GLIS3: variants seen among roughly 807,000 people sequenced by gnomAD.
GLIS3 encodes the protein GLIS family zinc finger 3, also known as zinc finger protein GLIS3.
A neutral mutation model predicts 78.6 loss-of-function variants in GLIS3; 53 were observed. The ratio of observed to expected loss-of-function variants is 0.67; its 90% CI spans 0.54 to 0.85. The LOEUF is 0.85. Ranked by LOEUF, GLIS3 falls within the 40% of genes least tolerant of loss-of-function variation. The probability of loss-of-function intolerance (pLI) is 0.00; values close to 1 mark genes in which losing one functional copy is unlikely to be tolerated. For missense variants in GLIS3, 1,703 were observed against 1,231.1 expected, an observed-to-expected ratio of 1.38 and a Z score of -5.74; for synonymous variants, 684 against 509.9, an observed-to-expected ratio of 1.34 and a Z score of -4.60.
the GLIS3 span, among the ~76,000 whole-genome samples, chr9:4,451,955 A>G: frequency 0.037 from 5,510 of 150,444 alleles, 280 homozygotes; most frequent in East Asian, 0.23. Flanking sequence ...CCAGCAGCAC[A>G]TCAAAAAGCT....
At chr9:4,003,315 T>C (rs1478262589) in intron 4 of GLIS3, among the ~76,000 whole-genome samples, 3 of 152,048 alleles carry the variant, frequency 2.0e-5, no homozygotes, top group Non-Finnish European at 2.9e-5. Flanking sequence ...GAATTCTCCA[T>C]AGCACAGTTA....
chr9:3,847,163 G>A (rs1819102362), intron 9 of GLIS3, among the ~76,000 whole-genome samples: 1 of 152,126 alleles, frequency 6.6e-6, no homozygotes, highest in East Asian at 1.9e-4. Context: ...CAGCCTGGGC[G>A]ACAGAATGAG....
chr9:3,854,766 G>A (rs1563778524), intron 9 of GLIS3, among the ~76,000 whole-genome samples: 1 of 151,150 alleles, frequency 6.6e-6, no homozygotes, highest in South Asian at 2.1e-4. Flanking sequence ...GGATGGTCTC[G>A]ACCTCCTAAC....
chr9:4,371,141 A>C, the GLIS3 span, among the ~76,000 whole-genome samples: 1 of 152,220 alleles, frequency 6.6e-6, no homozygotes, highest in Admixed American at 6.5e-5. Flanking sequence ...AAATGCATGC[A>C]TAAACCATTT....
intron 1 of GLIS3, among the ~76,000 whole-genome samples, chr9:4,293,255 G>C (rs1029362048): frequency 2.0e-5 from 3 of 152,158 alleles, no homozygotes; most frequent in South Asian, 4.1e-4. Flanking sequence ...GAAGATTCTA[G>C]AAATAAAATT....
the GLIS3 span, among the ~76,000 whole-genome samples, chr9:4,396,744 G>C: frequency 2.3e-3 from 354 of 152,288 alleles, 1 homozygote; most frequent in Non-Finnish European, 3.2e-3. Context: ...GATTTCAGGA[G>C]ATTCCAGGAC....
intron 2 of GLIS3, among the ~76,000 whole-genome samples, chr9:4,278,236 G>A (rs761801258): frequency 1.3e-5 from 2 of 152,128 alleles, no homozygotes; most frequent in Non-Finnish European, 2.9e-5. Context: ...AACTCTGTCC[G>A]TAGAAAAGGC....
At chr9:3,967,456 T>C (rs970785240) in intron 4 of GLIS3, among the ~76,000 whole-genome samples, 1 of 151,640 alleles carries the variant, frequency 6.6e-6, no homozygotes, top group African/African-American at 2.4e-5. Flanking sequence ...TGAGCCAAGA[T>C]CGGGCCATTG....
At chr9:4,318,977 A>G (rs575379430) in intron 2 of GLIS3, among the ~76,000 whole-genome samples, 20 of 152,304 alleles carry the variant, frequency 1.3e-4, no homozygotes, top group African/African-American at 4.8e-4. Flanking sequence ...AAAATGCACA[A>G]CCTGAATCTA....
chr9:4,309,924 T>C (rs1817319986), intron 3 of GLIS3, among the ~76,000 whole-genome samples: 1 of 152,124 alleles, frequency 6.6e-6, no homozygotes, highest in Non-Finnish European at 1.5e-5. Context: ...CTCTCAAAGG[T>C]ATGAAAAAAA....
intron 2 of GLIS3, among the ~76,000 whole-genome samples, chr9:4,282,361 G>C (rs539079830): frequency 8.7e-4 from 132 of 152,290 alleles, no homozygotes; most frequent in Non-Finnish European, 2.9e-4. Context: ...TTAACATTTA[G>C]TCAGTACACT....
chr9:4,296,593 G>C (rs1012128451), intron 1 of GLIS3, among the ~76,000 whole-genome samples: 1 of 152,150 alleles, frequency 6.6e-6, no homozygotes, highest in East Asian at 1.9e-4. Context: ...AGGAACTTCA[G>C]TGGAATCAGG....
intron 2 of GLIS3, among the ~76,000 whole-genome samples, chr9:4,236,900 A>G (rs1258358398): frequency 6.6e-6 from 1 of 152,164 alleles, no homozygotes; most frequent in Admixed American, 6.5e-5. Context: ...TTTTTCCATA[A>G]CAATTCATTA....
chr9:4,054,691 A>C (rs1380857354), intron 4 of GLIS3, among the ~76,000 whole-genome samples: 1 of 152,220 alleles, frequency 6.6e-6, no homozygotes, highest in Non-Finnish European at 1.5e-5. Flanking sequence ...AAAAAAAGTA[A>C]TAGCACATTG....
the GLIS3 span, among the ~76,000 whole-genome samples, chr9:4,450,837 C>G: frequency 6.6e-6 from 1 of 152,174 alleles, no homozygotes; most frequent in African/African-American, 2.4e-5. Flanking sequence ...TTATAAAGAG[C>G]TCCTGAAGGA....
chr9:4,298,571 G>T, intron 1 of GLIS3: 1 of 314,400 alleles, frequency 3.2e-6, no homozygotes, highest in Non-Finnish European at 6.3e-6. Flanking sequence ...GACCCGGGCC[G>T]ACTTCAAAAT....
At chr9:3,954,182 G>A (rs951969133) in intron 4 of GLIS3, among the ~76,000 whole-genome samples, 1 of 152,076 alleles carries the variant, frequency 6.6e-6, no homozygotes, top group African/African-American at 2.4e-5. Context: ...TCTCTATTAA[G>A]GGTGCTAAAA....
chr9:4,301,958 C>T (rs1817092296), upstream of GLIS3, among the ~76,000 whole-genome samples: 1 of 151,224 alleles, frequency 6.6e-6, no homozygotes, highest in African/African-American at 2.4e-5. Flanking sequence ...ATATTTACCA[C>T]TGAAGAGGTA....
intron 8 of GLIS3, among the ~76,000 whole-genome samples, chr9:3,872,206 T>C (rs1201583860): frequency 6.6e-6 from 1 of 152,184 alleles, no homozygotes; most frequent in Non-Finnish European, 1.5e-5. Context: ...CTATCAGCAT[T>C]TTGGGCAAAG....
Sources: gnomAD v4.1 joint callset for allele counts (sites outside exome capture counted in the v4.1 genomes callset) on GRCh38, gnomAD v4.1.1 for gene constraint, MANE v1.5 for transcripts, NCBI Gene and HGNC (gene_info 2026-07-23, HGNC 2026-07-21) for gene names.